Variants in CACNA2D3 observed in about 807,000 individuals in gnomAD.
The protein encoded by CACNA2D3 is calcium voltage-gated channel auxiliary subunit alpha2delta 3.
CACNA2D3 carries 60 observed loss-of-function variants against 160.6 expected under a neutral mutation model. That is an observed-to-expected ratio of 0.37 (90% confidence interval 0.30 to 0.46). The LOEUF is 0.46. CACNA2D3 is among the 20% of genes least tolerant of loss of function. CACNA2D3 has a pLI of 1.00. For missense variants in CACNA2D3, 1,205 were observed against 1,365.0 expected (o/e 0.88, Z 1.85); for synonymous variants, 558 against 492.9 (o/e 1.13, Z -1.75).
chr3:54,508,744 T>A (rs1424121356), intron 5 of CACNA2D3, among the ~76,000 whole-genome samples: 1 of 152,136 alleles, frequency 6.6e-6, no homozygotes, highest in African/African-American at 2.4e-5. Context: ...TTTCATCCTC[T>A]AGACTTCCCC....
At chr3:55,008,943 C>T (rs1238947795) in intron 33 of CACNA2D3, among the ~76,000 whole-genome samples, 1 of 119,578 alleles carries the variant, frequency 8.4e-6, no homozygotes, top group Non-Finnish European at 2.0e-5. Context: ...TAAACAAGTT[C>T]AAGTCGCAGT....
intron 5 of CACNA2D3, among the ~76,000 whole-genome samples, chr3:54,555,547 A>C (rs1702229736): frequency 6.6e-6 from 1 of 152,234 alleles, no homozygotes; most frequent in South Asian, 2.1e-4. Flanking sequence ...TTACAAAGAC[A>C]GATCAGGGTT....
chr3:54,318,926 G>A (rs560579147), intron 2 of CACNA2D3, among the ~76,000 whole-genome samples: 77 of 151,946 alleles, frequency 5.1e-4, no homozygotes, highest in Non-Finnish European at 9.7e-4. Context: ...CTAAGAGAGG[G>A]GTATCTTGCT....
chr3:54,468,601 G>A (rs1700671835), intron 4 of CACNA2D3, among the ~76,000 whole-genome samples: 3 of 152,148 alleles, frequency 2.0e-5, no homozygotes, highest in Non-Finnish European at 4.4e-5. Flanking sequence ...TCTGGAAAGT[G>A]GGCTGAAGTC....
chr3:54,486,665 G>A (rs1701019777), intron 4 of CACNA2D3, among the ~76,000 whole-genome samples: 1 of 152,146 alleles, frequency 6.6e-6, no homozygotes, highest in Admixed American at 6.5e-5. Flanking sequence ...ACCACTGGCA[G>A]CCCAAAGCAG....
At chr3:54,512,149 G>C (rs1394831545) in intron 5 of CACNA2D3, among the ~76,000 whole-genome samples, 1 of 152,206 alleles carries the variant, frequency 6.6e-6, no homozygotes, top group Non-Finnish European at 1.5e-5. Flanking sequence ...TGGTCTGCAG[G>C]TGGCTCCCAG....
chr3:54,650,054 G>T (rs1402333265), intron 11 of CACNA2D3, among the ~76,000 whole-genome samples: 1 of 152,194 alleles, frequency 6.6e-6, no homozygotes, highest in African/African-American at 2.4e-5. Context: ...ACCCTCACCT[G>T]GTTGTGTTTT....
chr3:54,377,154 G>A (rs1195817666), intron 3 of CACNA2D3, among the ~76,000 whole-genome samples: 4 of 152,186 alleles, frequency 2.6e-5, no homozygotes, highest in Non-Finnish European at 5.9e-5. Context: ...CTTAATTTCT[G>A]TGTTTGTGCC....
chr3:54,619,929 G>A (rs1435414001), intron 9 of CACNA2D3, among the ~76,000 whole-genome samples: 1 of 152,160 alleles, frequency 6.6e-6, no homozygotes, highest in Non-Finnish European at 1.5e-5. Flanking sequence ...TTAGGGTTGG[G>A]TGTGTGTGTG....
At chr3:54,991,415 G>T (rs1166891966) in intron 31 of CACNA2D3, among the ~76,000 whole-genome samples, 1 of 151,974 alleles carries the variant, frequency 6.6e-6, no homozygotes, top group Admixed American at 6.6e-5. Flanking sequence ...TAGAGACGGG[G>T]TTTCACCATG....
chr3:55,055,476 A>AG (rs1704338513), intron 35 of CACNA2D3, among the ~76,000 whole-genome samples: 1 of 152,062 alleles, frequency 6.6e-6, no homozygotes, highest in Non-Finnish European at 1.5e-5. Flanking sequence ...GAAATTATGT[A>AG]GTATGGTGTC....
At chr3:54,885,609 G>A in intron 23 of CACNA2D3, 23 bp downstream of exon 23, 1 of 1,579,154 alleles carries the variant, frequency 6.3e-7, no homozygotes. Flanking sequence ...TCAAAAGTGT[G>A]CTGTGCCTTC....
intron 11 of CACNA2D3, among the ~76,000 whole-genome samples, chr3:54,685,375 A>G (rs561056520): frequency 2.0e-5 from 3 of 152,346 alleles, no homozygotes; most frequent in Admixed American, 1.3e-4. Context: ...CATAGACAAC[A>G]TGTAAATGAA....
chr3:54,318,270 G>A (rs1703913422), intron 2 of CACNA2D3, among the ~76,000 whole-genome samples: 1 of 152,090 alleles, frequency 6.6e-6, no homozygotes, highest in South Asian at 2.1e-4. Context: ...TTCTTGTGTT[G>A]GAGAATAGGA....
At chr3:54,460,741 TG>T (rs994728962) in intron 4 of CACNA2D3, among the ~76,000 whole-genome samples, 4 of 152,204 alleles carry the variant, frequency 2.6e-5, no homozygotes, top group African/African-American at 4.8e-5. Flanking sequence ...TTTGACTTCC[TG>T]TTTTCCTAAT....
At chr3:54,982,485 T>TA (rs1702528565) in intron 29 of CACNA2D3, among the ~76,000 whole-genome samples, 1 of 151,998 alleles carries the variant, frequency 6.6e-6, no homozygotes, top group Admixed American at 6.6e-5. Flanking sequence ...TGATTTTCCT[T>TA]TGGGTTGGGG....
At chr3:54,712,633 T>C (rs1700973431) in intron 11 of CACNA2D3, among the ~76,000 whole-genome samples, 1 of 152,240 alleles carries the variant, frequency 6.6e-6, no homozygotes. Flanking sequence ...TAAACCTCTT[T>C]ATTTTGTAAA....
intron 13 of CACNA2D3, among the ~76,000 whole-genome samples, chr3:54,812,452 A>G (rs1703342675): frequency 2.0e-5 from 3 of 152,184 alleles, no homozygotes. Context: ...GGGTCTTAGG[A>G]AGAGCTCCAG....
At chr3:54,979,091 A>G (rs1192412862) in intron 29 of CACNA2D3, among the ~76,000 whole-genome samples, 2 of 152,214 alleles carry the variant, frequency 1.3e-5, no homozygotes, top group Non-Finnish European at 2.9e-5. Context: ...TTTAAAGCCA[A>G]GCCTAGCCAT....
Sources: allele counts gnomAD v4.1 joint callset (sites outside exome capture counted in the v4.1 genomes callset), GRCh38; gene constraint gnomAD v4.1.1; transcripts MANE v1.5; gene names NCBI Gene and HGNC (gene_info 2026-07-23, HGNC 2026-07-21).